RBFOX1: variants seen among roughly 807,000 people sequenced by gnomAD.
RBFOX1 encodes the protein RNA binding protein fox-1 homolog 1.
In RBFOX1, 8 loss-of-function variants were observed where a neutral mutation model predicts 57.7. The observed-to-expected ratio is 0.14, with a 90% CI of 0.08 to 0.25. The LOEUF is 0.25. Among genes scored for constraint, RBFOX1 ranks in the 10% least tolerant of loss-of-function variants. The pLI, the probability that RBFOX1 is intolerant of heterozygous loss-of-function variation, is 1.00. For missense variants in RBFOX1, 611 were observed against 548.5 expected, an observed-to-expected ratio of 1.11 and a Z score of -1.14; for synonymous variants, 326 against 222.4, an observed-to-expected ratio of 1.47 and a Z score of -4.15.
chr16:6,965,315 TTGTGTGTGTGTGTGTG>T (rs57603257), intron 3 of RBFOX1, among the ~76,000 whole-genome samples: 3,259 of 147,538 alleles, frequency 0.022, 121 homozygotes, highest in African/African-American at 0.074. Context: ...TTTTCTTTTG[TTGTGTGTGTGTGTGTG>T]TGTGTGTGTG....
chr16:6,006,073 A>G (rs572844095), intron 4 of RBFOX1, among the ~76,000 whole-genome samples: 3 of 152,346 alleles, frequency 2.0e-5, no homozygotes, highest in East Asian at 1.9e-4. Flanking sequence ...TTGAGAGGCA[A>G]TGAGGTTATT....
chr16:6,296,855 G>C (rs1329649560), intron 1 of RBFOX1, among the ~76,000 whole-genome samples: 1 of 152,182 alleles, frequency 6.6e-6, no homozygotes, highest in African/African-American at 2.4e-5. Context: ...GAGGGTTCTT[G>C]GATCTTGTGC....
intron 4 of RBFOX1, among the ~76,000 whole-genome samples, chr16:7,408,776 CCCCT>C (rs1568696924): frequency 6.6e-6 from 1 of 152,144 alleles, no homozygotes; most frequent in African/African-American, 2.4e-5. Context: ...CCAGTAGCAT[CCCCT>C]CCCTCCTTGT....
At chr16:6,093,812 G>T (rs1050320019) in intron 1 of RBFOX1, among the ~76,000 whole-genome samples, 2 of 151,798 alleles carry the variant, frequency 1.3e-5, no homozygotes, top group Non-Finnish European at 2.9e-5. Context: ...AAAGATGGGG[G>T]TCTCACTGTG....
rs189514055 is a variant in RBFOX1, at chr16:5,906,313, G to A, written c.351+38978G>A. 1.9e-4 allele frequency among the ~76,000 whole-genome samples: 29 copies of A among 152,264 alleles called. No individual in the cohort carries two copies. In the East Asian group the frequency reaches 4.6e-3, roughly 24 times the overall value. ...TTTCTTTGTAAAAAGGGGAAATTTG[G>A]ACACAAACACGCACGTGGGGATAAT... On this transcript the variant is annotated intron_variant, in intron 4 of 19. Coordinates refer to the RBFOX1 transcript ENST00000641259.
chr16:6,660,692 C>G (rs1341511913), intron 3 of RBFOX1, among the ~76,000 whole-genome samples: 2 of 152,272 alleles, frequency 1.3e-5, no homozygotes, highest in Non-Finnish European at 2.9e-5. Context: ...TTGAGAAATT[C>G]ATAATACTGC....
chr16:7,452,822 G>C (rs1034247015), intron 4 of RBFOX1, among the ~76,000 whole-genome samples: 3 of 152,072 alleles, frequency 2.0e-5, no homozygotes, highest in Non-Finnish European at 2.9e-5. Context: ...GGTCACAAAA[G>C]GTAAATGTAA....
At chr16:7,379,719 T>C (rs768536138) in intron 4 of RBFOX1, among the ~76,000 whole-genome samples, 1 of 151,750 alleles carries the variant, frequency 6.6e-6, no homozygotes, top group African/African-American at 2.4e-5. Flanking sequence ...CAGGAATTCC[T>C]TCCTTCCTTC....
intron 5 of RBFOX1, among the ~76,000 whole-genome samples, chr16:7,535,654 T>C (rs1218816779): frequency 6.6e-6 from 1 of 152,230 alleles, no homozygotes; most frequent in East Asian, 1.9e-4. Context: ...TTGTATGTTT[T>C]ATATGTTTTG....
At chr16:7,148,329 A>G (rs964973855) in intron 4 of RBFOX1, among the ~76,000 whole-genome samples, 1 of 152,230 alleles carries the variant, frequency 6.6e-6, no homozygotes, top group Non-Finnish European at 1.5e-5. Flanking sequence ...AGGAAACTCC[A>G]AGAAGCCTGA....
At chr16:5,804,136 C>A (rs2055153639) in intron 3 of RBFOX1, among the ~76,000 whole-genome samples, 1 of 152,212 alleles carries the variant, frequency 6.6e-6, no homozygotes, top group Non-Finnish European at 1.5e-5. Flanking sequence ...TCAAGGGCCT[C>A]AGTCCAATTC....
At chr16:5,339,641 G>T (rs1307937359) in intron 1 of RBFOX1, among the ~76,000 whole-genome samples, 1 of 151,658 alleles carries the variant, frequency 6.6e-6, no homozygotes, top group East Asian at 1.9e-4. Context: ...ACCACATCTG[G>T]CTGATTTTTG....
intron 4 of RBFOX1, among the ~76,000 whole-genome samples, chr16:7,405,851 G>T (rs934334789): frequency 3.3e-5 from 5 of 152,124 alleles, no homozygotes; most frequent in African/African-American, 1.2e-4. Context: ...TGAGATCACA[G>T]TCCTAGGTCT....
intron 3 of RBFOX1, among the ~76,000 whole-genome samples, chr16:5,847,053 C>A (rs2056774675): frequency 6.6e-6 from 1 of 152,124 alleles, no homozygotes. Context: ...AGGTGTTGAA[C>A]CCACTAGCTC....
chr16:7,006,229 A>G (rs1568336260), intron 3 of RBFOX1, among the ~76,000 whole-genome samples: 1 of 152,022 alleles, frequency 6.6e-6, no homozygotes, highest in African/African-American at 2.4e-5. Context: ...ATCTCGGTTC[A>G]CTGCATCCTC....
chr16:5,957,426 G>A (rs1056099782), intron 4 of RBFOX1, among the ~76,000 whole-genome samples: 1 of 152,050 alleles, frequency 6.6e-6, no homozygotes, highest in Non-Finnish European at 1.5e-5. Flanking sequence ...TGTTGGTCAT[G>A]AACCCCTCAC....
chr16:5,346,016 A>G (rs1458122251), intron 1 of RBFOX1, among the ~76,000 whole-genome samples: 2 of 152,184 alleles, frequency 1.3e-5, no homozygotes, highest in Non-Finnish European at 2.9e-5. Context: ...GATTGTCAAC[A>G]ATCCCTTTCA....
chr16:7,630,366 C>T (rs1356268914), intron 10 of RBFOX1, among the ~76,000 whole-genome samples: 1 of 151,862 alleles, frequency 6.6e-6, no homozygotes, highest in Non-Finnish European at 1.5e-5. Flanking sequence ...GAGTCCGCTA[C>T]ACAACCCCGT....
chr16:5,257,920 C>A lies in RBFOX1; in HGVS notation c.219+17815C>A, dbSNP rs150070633. Among the ~76,000 whole-genome samples the A allele has an allele frequency of 2.0e-3, 308 of 152,188 alleles. 2 individuals carry two copies. The highest frequency in any genetic ancestry group is 7.1e-3 in the African/African-American group (296 of 41,516). ...TTGAGACAGGGTCTAACTCTGTCAC[C>A]CAGGCTGGAGTGCAGTGGTGTGACC... On this transcript the variant is annotated intron_variant, in intron 1 of 2. Coordinates refer to the RBFOX1 transcript ENST00000585867.
Sources: allele counts gnomAD v4.1 joint callset (sites outside exome capture counted in the v4.1 genomes callset), GRCh38; gene constraint gnomAD v4.1.1; transcripts MANE v1.5; gene names NCBI Gene and HGNC (gene_info 2026-07-23, HGNC 2026-07-21).